The following PCDHA2 variants were observed in gnomAD, a reference collection of about 807,000 sequenced individuals.
PCDHA2 encodes the protein protocadherin alpha-2.
Under a neutral mutation model 66.0 loss-of-function variants are expected in PCDHA2, and 58 were observed. The ratio of observed to expected loss-of-function variants is 0.88; its 90% CI spans 0.71 to 1.09. The LOEUF is 1.09. PCDHA2 is among the 50% of genes least tolerant of loss of function. The probability of loss-of-function intolerance (pLI) is 0.00; values close to 1 mark genes in which losing one functional copy is unlikely to be tolerated. For synonymous variants in PCDHA2, 634 were observed against 554.0 expected (o/e 1.14, Z -2.03); for missense variants, 1,267 against 1,242.3 (o/e 1.02, Z -0.30).
chr5:141,002,273 AC>A (rs748746747), intron 3 of PCDHA2, among the ~76,000 whole-genome samples: 69 of 152,308 alleles, frequency 4.5e-4, no homozygotes, highest in Non-Finnish European at 9.1e-4. Flanking sequence ...AGAGCTGGTA[AC>A]AAAGGGATGA....
chr5:140,816,063 T>C (rs1396347202), intron 1 of PCDHA2: 1 of 152,226 alleles, frequency 6.6e-6, no homozygotes, highest in African/African-American at 2.4e-5. Context: ...TGGGAAGTTT[T>C]CAGATGTAAT....
At chr5:140,856,916 A>G in intron 1 of PCDHA2, 1 of 1,596,314 alleles carries the variant, frequency 6.3e-7, no homozygotes, top group Middle Eastern at 1.7e-4. Flanking sequence ...CACGATAAGA[A>G]GGAAATTTTG....
chr5:140,954,978 A>C (rs1268797182), intron 1 of PCDHA2, among the ~76,000 whole-genome samples: 2 of 152,176 alleles, frequency 1.3e-5, no homozygotes, highest in African/African-American at 4.8e-5. Context: ...GTCCAGTTTC[A>C]ATTTTCTGCA....
At chr5:140,879,854 C>G (rs2058149387) in intron 1 of PCDHA2, among the ~76,000 whole-genome samples, 1 of 152,200 alleles carries the variant, frequency 6.6e-6, no homozygotes, top group African/African-American at 2.4e-5. Context: ...CCCATCTCAG[C>G]CTTCTCAGCT....
chr5:140,853,637 C>T lies in PCDHA2; in HGVS notation c.2388+56285C>T, dbSNP rs1261449474. 3.6e-5 allele frequency: 36 copies of T among 988,398 alleles called. 4 individuals carry two copies. The highest frequency in any genetic ancestry group is 4.4e-5 in the Non-Finnish European group (36 of 820,538). 61.2% of individuals were successfully genotyped at this position (988,398 alleles called of 1,614,324 possible). On this transcript the variant is annotated intron_variant, in intron 1 of 3. Coordinates refer to ENST00000526136, the MANE Select transcript of PCDHA2 (RefSeq NM_018905.3). ...TAAATAAGTATACAAGATCACAGAC[C>T]TAAATTGAGCCTGTTCCAGACAAAT... is the stretch of plus-strand genomic sequence containing the variant.
At chr5:140,806,454 A>C (rs535584535) in intron 1 of PCDHA2, among the ~76,000 whole-genome samples, 1 of 152,350 alleles carries the variant, frequency 6.6e-6, no homozygotes, top group Admixed American at 6.5e-5. Context: ...GCTATTTGCT[A>C]TAACTTCCTG....
intron 1 of PCDHA2, chr5:140,858,052 T>C (rs1281058907): frequency 2.5e-6 from 4 of 1,597,036 alleles, no homozygotes; most frequent in African/African-American, 1.3e-5. Flanking sequence ...TTGTGTCGCT[T>C]GTGGAGGGCA....
intron 1 of PCDHA2, chr5:140,808,664 T>C (rs1554124680): frequency 3.7e-6 from 6 of 1,613,026 alleles, no homozygotes; most frequent in Non-Finnish European, 5.1e-6. Flanking sequence ...GGTGTCCTAC[T>C]CGCTGGTAGA....
At chr5:140,840,103 A>T (rs1298281251) in intron 1 of PCDHA2, among the ~76,000 whole-genome samples, 2 of 152,168 alleles carry the variant, frequency 1.3e-5, no homozygotes, top group East Asian at 1.9e-4. Flanking sequence ...ATTTTAGTGA[A>T]ATCGAGTGAA....
chr5:140,828,497 G>T (rs1465778888), intron 1 of PCDHA2: 1 of 1,614,134 alleles, frequency 6.2e-7, no homozygotes, highest in African/African-American at 1.3e-5. Flanking sequence ...GTTCCCGGTA[G>T]AGGAACAAAG....
chr5:140,875,206 A>G (rs1554167551), intron 1 of PCDHA2: 2 of 644,508 alleles, frequency 3.1e-6, no homozygotes, highest in South Asian at 3.9e-5. Context: ...AAGTGGCTAA[A>G]CCGAAAAGAA....
At chr5:140,885,179 C>T (rs972760379) in intron 1 of PCDHA2, among the ~76,000 whole-genome samples, 37 of 152,232 alleles carry the variant, frequency 2.4e-4, no homozygotes, top group African/African-American at 8.9e-4. Flanking sequence ...CCTCTAGGCA[C>T]ATCAGTGTTC....
At chr5:140,984,790 G>A (rs2097121430) in intron 3 of PCDHA2, among the ~76,000 whole-genome samples, 1 of 152,104 alleles carries the variant, frequency 6.6e-6, no homozygotes, top group Admixed American at 6.5e-5. Flanking sequence ...GGTGAGCATA[G>A]ACAAACTGCC....
chr5:140,994,665 A>G (rs555985538), intron 3 of PCDHA2, among the ~76,000 whole-genome samples: 1 of 152,294 alleles, frequency 6.6e-6, no homozygotes, highest in East Asian at 1.9e-4. Flanking sequence ...AGATCACACT[A>G]CTGCACTCCA....
chr5:140,893,656 T>C (rs950016091), intron 1 of PCDHA2, among the ~76,000 whole-genome samples: 1 of 152,222 alleles, frequency 6.6e-6, no homozygotes. Flanking sequence ...CTGATAGTTT[T>C]AAAAAATTTC....
intron 1 of PCDHA2, 61 bp downstream of exon 1, chr5:140,797,413 A>G (rs781933067): frequency 6.6e-7 from 1 of 1,509,416 alleles, no homozygotes; most frequent in South Asian, 1.2e-5. Flanking sequence ...ATTCTATATG[A>G]TTTCTACTAG....
intron 1 of PCDHA2, chr5:140,817,042 G>A (rs2126677218): frequency 3.9e-5 from 6 of 152,156 alleles, no homozygotes; most frequent in African/African-American, 1.4e-4. Flanking sequence ...GCTGAGCTGA[G>A]TTTCTCTCTG....
Position 140,982,562 on chromosome 5 carries a change from A to C in PCDHA2, c.2535A>C (p.Pro845=). ...QQWPTVSSAT[P]EPEAGEVSPP... ...GGCCAACAGTATCCAGTGCAACACCAGGTAAAGAGCTGGGGTCTCTCCATT... is the reference window on the plus strand; with the variant it reads ...GGCCAACAGTATCCAGTGCAACACCCGGTAAAGAGCTGGGGTCTCTCCATT... Residue 845 remains proline, a splice_region_variant and synonymous_variant, in exon 3 of 4, where the codon CCA becomes CCC. Coordinates refer to ENST00000526136, the MANE Select transcript of PCDHA2 (RefSeq NM_018905.3). 3 of 1,614,062 alleles carry C rather than the reference A, an allele frequency of 1.9e-6. No individual in the cohort carries two copies. The highest frequency in any genetic ancestry group is 2.5e-6 in the Non-Finnish European group (3 of 1,179,936).
rs539711340 is a variant in PCDHA2, at chr5:140,795,258, G to C, written c.294G>C (p.Arg98=). Residue 98 remains arginine (R), a synonymous_variant, in exon 1 of 4, where the codon CGG becomes CGC. Transcript: ENST00000526136. ...SRIDREELCG[R]SAECSIHVEV... ...TCGACCGGGAGGAGCTGTGCGGGCGGAGCGCGGAATGTAGCATCCACGTGG... is the reference window on the plus strand; with the variant it reads ...TCGACCGGGAGGAGCTGTGCGGGCGCAGCGCGGAATGTAGCATCCACGTGG... 1 of 1,614,272 alleles carries C rather than the reference G, an allele frequency of 6.2e-7. No individual in the cohort carries two copies. Among genetic ancestry groups the C allele is most frequent in the Admixed American group, 1.7e-5 (1 of 60,030 alleles).
Sources: gnomAD v4.1 joint callset for allele counts (sites outside exome capture counted in the v4.1 genomes callset) on GRCh38, gnomAD v4.1.1 for gene constraint, MANE v1.5 for transcripts, NCBI Gene and HGNC (gene_info 2026-07-23, HGNC 2026-07-21) for gene names.